The following C12orf42 variants were observed in gnomAD, a reference collection of about 807,000 sequenced individuals.
The protein encoded by C12orf42 is uncharacterized protein C12orf42.
A neutral mutation model predicts 21.6 loss-of-function variants in C12orf42; 25 were observed. That is an observed-to-expected ratio of 1.16 (90% CI 0.84 to 1.62). C12orf42 has a LOEUF of 1.62. Among genes scored for constraint, C12orf42 ranks in the 40% most tolerant of loss-of-function variants. The pLI is 0.00. For missense variants in C12orf42, 483 were observed against 459.3 expected, an observed-to-expected ratio of 1.05 and a Z score of -0.47; for synonymous variants, 174 against 175.0, an observed-to-expected ratio of 0.99 and a Z score of 0.05.
At chr12:103,304,982 G>T (rs1389393216) in intron 5 of C12orf42, among the ~76,000 whole-genome samples, 1 of 152,096 alleles carries the variant, frequency 6.6e-6, no homozygotes, top group East Asian at 1.9e-4. Flanking sequence ...ACCTCAAAAG[G>T]TCCCTATAAA....
the C12orf42 span, among the ~76,000 whole-genome samples, chr12:103,228,821 T>C: frequency 6.6e-6 from 1 of 151,698 alleles, no homozygotes; most frequent in Non-Finnish European, 1.5e-5. Context: ...ACTAATATAA[T>C]AATGATCTCA....
At chr12:103,521,329 G>A in the C12orf42 span, among the ~76,000 whole-genome samples, 1 of 152,202 alleles carries the variant, frequency 6.6e-6, no homozygotes, top group African/African-American at 2.4e-5. Context: ...ATTAAGAGGT[G>A]CCATCGAATA....
chr12:103,435,545 G>C (rs1301067905), intron 2 of C12orf42, among the ~76,000 whole-genome samples: 2 of 152,176 alleles, frequency 1.3e-5, no homozygotes, highest in Admixed American at 1.3e-4. Flanking sequence ...CCAATACAGA[G>C]AAGTGCTTAA....
chr12:103,471,942 C>T (rs1392233958), intron 2 of C12orf42: 2 of 152,004 alleles, frequency 1.3e-5, no homozygotes, highest in Non-Finnish European at 2.9e-5. Context: ...TACCTTTTCC[C>T]ATTTGACTTA....
chr12:103,448,733 C>T (rs752136433), intron 2 of C12orf42, among the ~76,000 whole-genome samples: 3 of 151,454 alleles, frequency 2.0e-5, no homozygotes, highest in African/African-American at 7.3e-5. Context: ...AATCACAATG[C>T]GATACCACCT....
At chr12:103,255,930 G>GT (rs1397844536) in intron 10 of C12orf42, among the ~76,000 whole-genome samples, 8 of 149,628 alleles carry the variant, frequency 5.3e-5, no homozygotes, top group Non-Finnish European at 1.2e-4. Context: ...GCAGGTGCCT[G>GT]TAGTCCCAGC....
At chr12:103,283,421 C>A (rs1410120154) in intron 4 of C12orf42, among the ~76,000 whole-genome samples, 2 of 152,160 alleles carry the variant, frequency 1.3e-5, no homozygotes, top group African/African-American at 4.8e-5. Flanking sequence ...TGCTTAAAAC[C>A]TTTTAGTGAC....
the C12orf42 span, among the ~76,000 whole-genome samples, chr12:103,544,789 C>T: frequency 6.6e-6 from 1 of 152,138 alleles, no homozygotes. Context: ...CTGTTAAATC[C>T]ATCTATTGAT....
downstream of C12orf42, among the ~76,000 whole-genome samples, chr12:103,299,540 A>C (rs749632274): frequency 6.6e-6 from 1 of 152,204 alleles, no homozygotes; most frequent in African/African-American, 2.4e-5. Context: ...AGATATTTAC[A>C]GTGTGTGGTA....
chr12:103,440,641 C>G (rs944338688), intron 2 of C12orf42, among the ~76,000 whole-genome samples: 14 of 151,770 alleles, frequency 9.2e-5, no homozygotes, highest in African/African-American at 3.1e-4. Flanking sequence ...GCTTTTAGAC[C>G]CATTTTGCAG....
the C12orf42 span, among the ~76,000 whole-genome samples, chr12:103,116,381 A>AAAAAAAAAAATATATATATAT: frequency 1.5e-5 from 2 of 136,698 alleles, no homozygotes; most frequent in African/African-American, 2.7e-5. Flanking sequence ...AAAAAAAAAA[A>AAAAAAAAAAATATATATATAT]ATATATATAT....
intron 2 of C12orf42, among the ~76,000 whole-genome samples, chr12:103,416,743 A>G (rs989498070): frequency 3.3e-5 from 5 of 152,136 alleles, no homozygotes; most frequent in Admixed American, 2.0e-4. Context: ...CATACTTTAC[A>G]TAATTCTGAT....
chr12:103,406,590 T>C (rs903205009), intron 2 of C12orf42, among the ~76,000 whole-genome samples: 5 of 152,210 alleles, frequency 3.3e-5, no homozygotes, highest in African/African-American at 1.2e-4. Context: ...CAATTCAGCT[T>C]TTCAAATAGT....
intron 3 of C12orf42, among the ~76,000 whole-genome samples, chr12:103,401,367 G>A (rs773100529): frequency 6.6e-6 from 1 of 152,120 alleles, no homozygotes; most frequent in Non-Finnish European, 1.5e-5. Context: ...GATGATACAC[G>A]TTTTTCTAGG....
the C12orf42 span, among the ~76,000 whole-genome samples, chr12:103,506,821 T>A: frequency 5.0e-5 from 4 of 79,510 alleles, no homozygotes; most frequent in African/African-American, 2.8e-4. Context: ...CATGTTTATA[T>A]ATATATTTAT....
chr12:103,287,708 T>TAA (rs1213203462), intron 4 of C12orf42, among the ~76,000 whole-genome samples: 5 of 111,384 alleles, frequency 4.5e-5, no homozygotes, highest in Non-Finnish European at 4.0e-5. Flanking sequence ...AGTATAATAA[T>TAA]AAAAAAAAAA....
chr12:103,554,794 G>C, the C12orf42 span, among the ~76,000 whole-genome samples: 1 of 152,112 alleles, frequency 6.6e-6, no homozygotes, highest in African/African-American at 2.4e-5. Context: ...CAGCACTAGG[G>C]GGATGCTACT....
At chr12:103,296,606 T>C (rs1405242894) in intron 4 of C12orf42, among the ~76,000 whole-genome samples, 2 of 152,258 alleles carry the variant, frequency 1.3e-5, no homozygotes, top group Non-Finnish European at 2.9e-5. Flanking sequence ...ATTTCTCTGA[T>C]GGCCAGTGAT....
chr12:103,560,988 A>G, the C12orf42 span, among the ~76,000 whole-genome samples: 1 of 152,182 alleles, frequency 6.6e-6, no homozygotes, highest in African/African-American at 2.4e-5. Context: ...CTGACTTGCT[A>G]CCTGAAATAC....
Sources: gnomAD v4.1 joint callset for allele counts (sites outside exome capture counted in the v4.1 genomes callset) on GRCh38, gnomAD v4.1.1 for gene constraint, MANE v1.5 for transcripts, NCBI Gene and HGNC (gene_info 2026-07-23, HGNC 2026-07-21) for gene names.